The following RAB42 variants were observed in gnomAD, a reference collection of about 807,000 sequenced individuals.
RAB42 encodes the protein ras-related protein Rab-42.
A neutral mutation model predicts 7.5 loss-of-function variants in RAB42; 4 were observed. The ratio of observed to expected loss-of-function variants is 0.53; its 90% CI spans 0.26 to 1.22. The LOEUF is 1.22. RAB42 is among the 50% of genes most tolerant of loss of function. The pLI, the probability that RAB42 is intolerant of heterozygous loss-of-function variation, is 0.13. For missense variants in RAB42, 208 were observed against 281.2 expected, an observed-to-expected ratio of 0.74 and a Z score of 1.86; for synonymous variants, 82 against 129.0, an observed-to-expected ratio of 0.64 and a Z score of 2.47.
At position 28,594,556 on chromosome 1, in the gene RAB42, C is replaced by CAGAGTGAG. The variant is rs1666397874; in HGVS notation, c.*441_*448dup. The CAGAGTGAG allele has an allele frequency of 6.0e-6, 1 of 166,626 alleles. No individual in the cohort carries two copies. The allele number at this position is 166,626 out of a possible 1,614,324, so 10.3% of individuals were successfully genotyped here. ...CGCCACTGCACTCCAGCCTGGGCAA[C>CAGAGTGAG]AGAGTGAGACTCTGTTTCAAAAAAA... On this transcript the variant is annotated 3_prime_UTR_variant, in exon 2 of 2. Coordinates refer to ENST00000465518, the MANE Select transcript of RAB42 (RefSeq NM_001193532.3).
downstream of RAB42, among the ~76,000 whole-genome samples, chr1:28,595,903 C>T (rs1666425884): frequency 6.6e-6 from 1 of 152,128 alleles, no homozygotes; most frequent in African/African-American, 2.4e-5. Flanking sequence ...GGCAGAGCAA[C>T]ACTCCGTCTC....
At position 28,592,406 on chromosome 1, in the gene RAB42, T is replaced by C; in HGVS notation, c.-106T>C. The C allele has an allele frequency of 2.5e-6, 1 of 400,210 alleles. No individual in the cohort carries two copies. The highest frequency in any genetic ancestry group is 3.6e-6 in the Non-Finnish European group (1 of 275,336). 24.8% of individuals were successfully genotyped at this position (400,210 alleles called of 1,614,324 possible). A position where few individuals can be genotyped will look rare whatever the true frequency, so the allele number is the denominator to read the frequency against. On this transcript the variant is annotated 5_prime_UTR_variant, in exon 1 of 2. Transcript: ENST00000465518. The surrounding 1 kb of genome is among the most constrained non-coding windows in gnomAD (Gnocchi z 4.1). Reference sequence around the variant, plus strand: ...GCCCTCGGTGCCCCGCCGGGTACGGTGGCTGGGCGCGGGGAGCGGGGGGCG... The same window carrying C: ...GCCCTCGGTGCCCCGCCGGGTACGGCGGCTGGGCGCGGGGAGCGGGGGGCG...
rs752734250 is a variant in RAB42, at chr1:28,593,876, T to A, written c.416T>A (p.Val139Asp). 86 of 1,606,526 alleles carry A rather than the reference T, an allele frequency of 5.4e-5. No homozygotes were observed. In the South Asian group the frequency reaches 9.5e-4, roughly 18 times the overall value. ...HKSDLQSTRC[V>D]SAQEAEELAA... ...AGTGACCTGCAGAGCACCCGCTGTG[T>A]CTCAGCCCAGGAGGCCGAGGAGCTA... Residue 139 changes from valine to aspartate, a missense_variant, in exon 2 of 2, where the codon GTC becomes GAC. Physicochemically the swap from Val to Asp is radical, Grantham distance 152. Coordinates refer to ENST00000465518, the MANE Select transcript of RAB42 (RefSeq NM_001193532.3).
rs1666398623 is a variant in RAB42, at chr1:28,594,581, A to G, written c.*464A>G. 1 of 167,638 alleles carries G rather than the reference A, an allele frequency of 6.0e-6. No individual in the cohort carries two copies. The highest frequency in any genetic ancestry group is 6.5e-5 in the Admixed American group (1 of 15,290). The allele number at this position is 167,638 out of a possible 1,614,324, so 10.4% of individuals were successfully genotyped here. A position where few individuals can be genotyped will look rare whatever the true frequency, so the allele number is the denominator to read the frequency against. ...CAGAGTGAGACTCTGTTTCAAAAAA[A>G]AAAAAGAAAAGAAAAGAAAGGCCTG... On this transcript the variant is annotated 3_prime_UTR_variant, in exon 2 of 2. Transcript: ENST00000465518.
rs1363944814 is a variant in RAB42, at chr1:28,594,008, A to C, written c.548A>C (p.Gln183Pro). Residue 183 changes from glutamine (Q) to proline (P), a missense_variant, in exon 2 of 2, where the codon CAG becomes CCG. Physicochemically the swap from Gln to Pro is moderately conservative, Grantham distance 76. Coordinates refer to ENST00000465518, the MANE Select transcript of RAB42 (RefSeq NM_001193532.3). ...LADAIQQALQQGDIKLEEGWG... is the reference protein window; with the variant it reads ...LADAIQQALQPGDIKLEEGWG... ...GATGCTATCCAGCAGGCCCTGCAGCAGGGGGACATCAAGCTAGAAGAGGGC... is the reference window on the plus strand; with the variant it reads ...GATGCTATCCAGCAGGCCCTGCAGCCGGGGGACATCAAGCTAGAAGAGGGC... 2.5e-6 allele frequency: 4 copies of C among 1,613,944 alleles called. No homozygotes were observed. The South Asian group carries it at 3.3e-5, about 13-fold the overall frequency.
At position 28,595,320 on chromosome 1, in the gene RAB42, G is replaced by A. The variant is rs969486217; in HGVS notation, c.*1203G>A. 6.0e-6 allele frequency: 1 copy of A among 167,090 alleles called. No homozygotes were observed. Among genetic ancestry groups the A allele is most frequent in the African/African-American group, 2.4e-5 (1 of 41,458 alleles). 10.4% of individuals were successfully genotyped at this position (167,090 alleles called of 1,614,324 possible). The stretch of plus-strand genomic sequence containing the variant: ...AAACCAACTTTATCAGTCTCTGTGG[G>A]CTTCATTGAGGACACTGTTGTGACA... On this transcript the variant is annotated 3_prime_UTR_variant, in exon 2 of 2. Transcript: ENST00000465518.
At chr1:28,593,003 G>A (rs986239656) in intron 1 of RAB42, among the ~76,000 whole-genome samples, 1 of 152,146 alleles carries the variant, frequency 6.6e-6, no homozygotes, top group African/African-American at 2.4e-5. Context: ...GATGCTGAGT[G>A]ATACTGGCCC....
In RAB42 at chr1:28,594,191, T is replaced by A; in HGVS notation, c.*74T>A. 7.4e-7 allele frequency: 1 copy of A among 1,355,842 alleles called. No homozygotes were observed. Among genetic ancestry groups the A allele is most frequent in the Non-Finnish European group, 1.0e-6 (1 of 1,002,158 alleles). 84.0% of individuals were successfully genotyped at this position (1,355,842 alleles called of 1,614,324 possible). ...GGGATGGGGAGTGTTAATATCTCTC[T>A]GGAGGACAAATGACAGAAGGGTTCA... On this transcript the variant is annotated 3_prime_UTR_variant, in exon 2 of 2. Coordinates refer to ENST00000465518, the MANE Select transcript of RAB42 (RefSeq NM_001193532.3).
rs1666342302 is a variant in RAB42 at position 28,592,640 on chromosome 1, C to G, written c.129C>G (p.Pro43=). The G allele has an allele frequency of 3.3e-6, 4 of 1,225,984 alleles. No homozygotes were observed. Among genetic ancestry groups the G allele is most frequent in the Non-Finnish European group, 4.1e-6 (4 of 984,182 alleles). The allele number at this position is 1,225,984 out of a possible 1,614,324, so 75.9% of individuals were successfully genotyped here. Reference sequence around the variant, plus strand: ...GCGCCCCGGAGCCGGAGCCCGAGCCCGAGCCCACGGTGGGCGCCGAGTGCT... The same window carrying G: ...GCGCCCCGGAGCCGGAGCCCGAGCCGGAGCCCACGGTGGGCGCCGAGTGCT... The part of the protein sequence containing the change: ...APGAPEPEPE[P]EPTVGAECYR... The change falls in exon 1 of 2, where the codon CCC becomes CCG. Residue 43 remains proline (P), a synonymous_variant. Coordinates refer to ENST00000465518, the MANE Select transcript of RAB42 (RefSeq NM_001193532.3). The surrounding 1 kb of genome is among the most constrained non-coding windows in gnomAD (Gnocchi z 4.1).
At chr1:28,593,617 A>T in intron 1 of RAB42, 77 bp from the exon 2 acceptor site, 1 of 1,414,276 alleles carries the variant, frequency 7.1e-7, no homozygotes, top group Non-Finnish European at 9.4e-7. Context: ...TCCCAGGGGG[A>T]GGAGGTCCTG....
rs1273755122 is a variant in RAB42, at chr1:28,594,293, G to A, written c.*176G>A. 14 of 674,082 alleles carry A rather than the reference G, an allele frequency of 2.1e-5. No homozygotes were observed. In the East Asian group the frequency reaches 3.2e-4, roughly 15 times the overall value. The allele number at this position is 674,082 out of a possible 1,614,324, so 41.8% of individuals were successfully genotyped here. On this transcript the variant is annotated 3_prime_UTR_variant, in exon 2 of 2. Coordinates refer to ENST00000465518, the MANE Select transcript of RAB42 (RefSeq NM_001193532.3). ...TTTCTACAGAAAAGAAAGTTCTGAT[G>A]GCCAGGCATGGTGGCTCACGCCTGT... is the stretch of plus-strand genomic sequence containing the variant.
chr1:28,593,755 A>G lies in RAB42; in HGVS notation c.295A>G (p.Asn99Asp). 1 of 1,547,130 alleles carries G rather than the reference A, an allele frequency of 6.5e-7. No individual in the cohort carries two copies. Among genetic ancestry groups the G allele is most frequent in the African/African-American group, 1.4e-5 (1 of 73,136 alleles). ...VGVLLVFDVT[N>D]RKSFEHIQDW... ...TGTCCTGCTGGTCTTTGATGTGACA[A>G]ACAGGAAGTCCTTTGAACACATCCA... Residue 99 changes from asparagine (N) to aspartate (D), a missense_variant, in exon 2 of 2, where the codon AAC becomes GAC. Transcript: ENST00000465518.
At position 28,595,141 on chromosome 1, in the gene RAB42, C is replaced by A. The variant is rs1666412767; in HGVS notation, c.*1024C>A. ...GGCTGGGGAACCCATCAACCCTCTC[C>A]CCAGCTGCTGGAGTGCCACTGGATG... On this transcript the variant is annotated 3_prime_UTR_variant, in exon 2 of 2. Transcript: ENST00000465518. 1 of 167,080 alleles carries A rather than the reference C, an allele frequency of 6.0e-6. No individual in the cohort carries two copies. The highest frequency in any genetic ancestry group is 6.6e-5 in the Admixed American group (1 of 15,266). 10.3% of individuals were successfully genotyped at this position (167,080 alleles called of 1,614,324 possible).
At position 28,592,830 on chromosome 1, in the gene RAB42, CTCAGAGG is replaced by C; in HGVS notation, c.233+91_233+97del. The C allele has an allele frequency of 1.7e-6, 1 of 599,112 alleles. No homozygotes were observed. The allele number at this position is 599,112 out of a possible 1,614,324, so 37.1% of individuals were successfully genotyped here. ...GCCACGGCAACTCCCGAGAGGCCAA[CTCAGAGG>C]TCAGGCGGAGGGCGAGGTCCCTGCC... On this transcript the variant is annotated intron_variant, in intron 1 of 1. Coordinates refer to ENST00000465518, the MANE Select transcript of RAB42 (RefSeq NM_001193532.3). This position sits in a 1 kb window ranked among gnomAD's most constrained non-coding sequence, Gnocchi z 4.1.
chr1:28,594,597 G>T lies in RAB42; in HGVS notation c.*480G>T, dbSNP rs999873197. The T allele has an allele frequency of 1.8e-5, 3 of 167,206 alleles. No homozygotes were observed. The highest frequency in any genetic ancestry group is 4.4e-5 in the Non-Finnish European group (3 of 68,634). The allele number at this position is 167,206 out of a possible 1,614,324, so 10.4% of individuals were successfully genotyped here. A position where few individuals can be genotyped will look rare whatever the true frequency, so the allele number is the denominator to read the frequency against. On this transcript the variant is annotated 3_prime_UTR_variant, in exon 2 of 2. Coordinates refer to ENST00000465518, the MANE Select transcript of RAB42 (RefSeq NM_001193532.3). The stretch of plus-strand genomic sequence containing the variant: ...TTCAAAAAAAAAAAAGAAAAGAAAA[G>T]AAAGGCCTGAGAGACCAGATGTGCA...
chr1:28,593,351 C>A (rs1415788057), intron 1 of RAB42, among the ~76,000 whole-genome samples: 1 of 152,052 alleles, frequency 6.6e-6, no homozygotes, highest in African/African-American at 2.4e-5. Context: ...CTACAGGCGC[C>A]CGCCACCACG....
At chr1:28,596,255 A>G (rs1022368221), downstream of RAB42, among the ~76,000 whole-genome samples, 1 of 152,152 alleles carries the variant, frequency 6.6e-6, no homozygotes, top group Non-Finnish European at 1.5e-5. Flanking sequence ...TTATTTCTAA[A>G]TGTACAATAA....
chr1:28,595,678 A>G (rs1191263709), downstream of RAB42, among the ~76,000 whole-genome samples: 1 of 152,060 alleles, frequency 6.6e-6, no homozygotes, highest in African/African-American at 2.4e-5. Flanking sequence ...AGGCCTAGGC[A>G]GGCAGTTCAC....
chr1:28,596,271 T>A (rs756459609), downstream of RAB42, among the ~76,000 whole-genome samples: 1 of 152,224 alleles, frequency 6.6e-6, no homozygotes, highest in Non-Finnish European at 1.5e-5. Flanking sequence ...AATAAATTAC[T>A]GTTGACTGTA....
Sources: allele counts gnomAD v4.1 joint callset (sites outside exome capture counted in the v4.1 genomes callset), GRCh38; gene constraint gnomAD v4.1.1; non-coding constraint Gnocchi (gnomAD v3.1); transcripts MANE v1.5; gene names NCBI Gene and HGNC (gene_info 2026-07-23, HGNC 2026-07-21).